The following WDFY4 variants were observed in gnomAD, a reference collection of about 807,000 sequenced individuals.
The protein encoded by WDFY4 is WDFY family member 4.
WDFY4 carries 169 observed loss-of-function variants against 351.9 expected under a neutral mutation model. The observed-to-expected ratio is 0.48, with a 90% confidence interval of 0.42 to 0.55. WDFY4 has a LOEUF of 0.55. WDFY4 is among the 20% of genes least tolerant of loss of function. The pLI is 0.00. For synonymous variants in WDFY4, 1,622 were observed against 1,574.6 expected, an observed-to-expected ratio of 1.03 and a Z score of -0.71; for missense variants, 3,803 against 3,935.6, an observed-to-expected ratio of 0.97 and a Z score of 0.90.
chr10:48,710,528 A>G (rs2063742475), intron 2 of WDFY4, among the ~76,000 whole-genome samples: 1 of 152,178 alleles, frequency 6.6e-6, no homozygotes, highest in Non-Finnish European at 1.5e-5. Flanking sequence ...CTGTCTCTTT[A>G]GTTAAAAAAT....
At position 48,800,730 on chromosome 10, in the gene WDFY4, C is replaced by CTTTCT. The variant is rs1555016198; in HGVS notation, c.4411-2553_4411-2552insCTTTT. On this transcript the variant is annotated intron_variant, in intron 24 of 61. Coordinates refer to ENST00000325239, the MANE Select transcript of WDFY4 (RefSeq NM_001394531.1). ...TCTTTCTTTCTTTCTTTCATTCTTT[C>CTTTCT]TTTTTTTTTTTTTTTGTTTTGAGAT... is the stretch of plus-strand genomic sequence containing the variant. Among the ~76,000 whole-genome samples, 43 of 92,788 alleles carry CTTTCT rather than the reference C, an allele frequency of 4.6e-4. 1 individual carries two copies. Among genetic ancestry groups the CTTTCT allele is most frequent in the Middle Eastern group, 0.011 (2 of 190 alleles). The allele number at this position is 92,788 out of a possible 152,430, so 60.9% of individuals were successfully genotyped here.
At chr10:48,891,850 T>C (rs1384750822) in intron 44 of WDFY4, among the ~76,000 whole-genome samples, 1 of 152,240 alleles carries the variant, frequency 6.6e-6, no homozygotes, top group East Asian at 1.9e-4. Context: ...AGTTGTCCTA[T>C]CACTTCCAAC....
intron 39 of WDFY4, among the ~76,000 whole-genome samples, chr10:48,847,297 TAAC>T (rs1220685297): frequency 4.6e-5 from 7 of 152,168 alleles, no homozygotes; most frequent in African/African-American, 1.7e-4. Context: ...GGCTTCACTT[TAAC>T]TTTATCACCT....
chr10:48,702,202 G>T (rs1487797960), intron 1 of WDFY4, among the ~76,000 whole-genome samples: 1 of 152,060 alleles, frequency 6.6e-6, no homozygotes, highest in East Asian at 1.9e-4. Context: ...ACACCATGAG[G>T]CAGCAAATAC....
chr10:48,974,527 A>AAAAAAAAAAAAAAC, intron 57 of WDFY4, among the ~76,000 whole-genome samples: 6 of 23,148 alleles, frequency 2.6e-4, no homozygotes, highest in African/African-American at 4.4e-4. Context: ...AAAAAAAAAA[A>AAAAAAAAAAAAAAC]AACAACTCAT....
chr10:48,915,982 T>TA (rs1488480520), intron 47 of WDFY4, among the ~76,000 whole-genome samples: 1 of 152,178 alleles, frequency 6.6e-6, no homozygotes, highest in Non-Finnish European at 1.5e-5. Context: ...TAAAACAGCT[T>TA]AAAAAACAAA....
chr10:48,696,812 G>A (rs2063343663), intron 1 of WDFY4, among the ~76,000 whole-genome samples: 1 of 152,256 alleles, frequency 6.6e-6, no homozygotes, highest in African/African-American at 2.4e-5. Flanking sequence ...CACTCTGTGG[G>A]CATCTAGCAT....
chr10:48,760,436 C>T lies in WDFY4; in HGVS notation c.2549C>T (p.Pro850Leu), dbSNP rs1191869301. The change falls in exon 13 of 62, where the codon CCA (proline) becomes CTA (leucine). Residue 850 changes from proline to leucine, a missense_variant. Physicochemically the swap from Pro to Leu is moderately conservative, Grantham distance 98 (BLOSUM62 -3). Transcript: ENST00000325239. Reference protein sequence around the residue: ...LLPRLYHEDHPQLSEEIQCSL... With the variant: ...LLPRLYHEDHLQLSEEIQCSL... Reference sequence around the variant, plus strand: ...CCTCGGTTGTACCATGAAGATCACCCACAGGTACCTGGTGTTGAATATGTG... The same window carrying T: ...CCTCGGTTGTACCATGAAGATCACCTACAGGTACCTGGTGTTGAATATGTG... 2 of 1,551,632 alleles carry T rather than the reference C, an allele frequency of 1.3e-6. No individual in the cohort carries two copies. Among genetic ancestry groups the T allele is most frequent in the East Asian group, 2.4e-5 (1 of 40,920 alleles).
chr10:48,805,381 T>G lies in WDFY4; in HGVS notation c.4606T>G (p.Cys1536Gly). The G allele has an allele frequency of 6.5e-7, 1 of 1,549,584 alleles. No individual in the cohort carries two copies. The highest frequency in any genetic ancestry group is 8.7e-7 in the Non-Finnish European group (1 of 1,147,012). The part of the protein sequence containing the change: ...KISTIIGILA[C>G]QLRGHFSTQD... ...CTCCACCATCATTGGCATCCTGGCCTGTCAGCTGAGGGGCCACTTCAGCAC... is the reference window on the plus strand; with the variant it reads ...CTCCACCATCATTGGCATCCTGGCCGGTCAGCTGAGGGGCCACTTCAGCAC... The change falls in exon 26 of 62, where the codon TGT (cysteine) becomes GGT (glycine). Residue 1536 changes from cysteine (C) to glycine (G), a missense_variant. Coordinates refer to ENST00000325239, the MANE Select transcript of WDFY4 (RefSeq NM_001394531.1).
At chr10:48,728,452 G>A (rs1005605275) in intron 7 of WDFY4, among the ~76,000 whole-genome samples, 2 of 152,190 alleles carry the variant, frequency 1.3e-5, no homozygotes, top group Non-Finnish European at 2.9e-5. Flanking sequence ...TATAGGGCAA[G>A]GCCACATACT....
At chr10:48,977,807 T>G (rs1189242709) in intron 59 of WDFY4, among the ~76,000 whole-genome samples, 1 of 152,234 alleles carries the variant, frequency 6.6e-6, no homozygotes, top group Non-Finnish European at 1.5e-5. Flanking sequence ...AGGAGGCTGG[T>G]CCTTGCCCTT....
intron 12 of WDFY4, among the ~76,000 whole-genome samples, chr10:48,754,791 C>G (rs1589527910): frequency 6.6e-6 from 1 of 151,852 alleles, no homozygotes; most frequent in East Asian, 1.9e-4. Context: ...TAAATTACGC[C>G]CAAGCACAAG....
intron 1 of WDFY4, among the ~76,000 whole-genome samples, chr10:48,693,383 G>A (rs1340612855): frequency 6.6e-6 from 1 of 152,206 alleles, no homozygotes; most frequent in Admixed American, 6.5e-5. Context: ...CTCATACAGG[G>A]CAGGCCCAGA....
At chr10:48,797,475 G>A (rs1421533062) in intron 24 of WDFY4, among the ~76,000 whole-genome samples, 1 of 152,130 alleles carries the variant, frequency 6.6e-6, no homozygotes, top group Non-Finnish European at 1.5e-5. Context: ...GTCAAACCTG[G>A]ATGCATTCTC....
Position 48,730,027 on chromosome 10 carries a change from C to T in WDFY4, c.1129+438C>T, listed in dbSNP as rs144453892. On this transcript the variant is annotated intron_variant, in intron 8 of 61. Coordinates refer to ENST00000325239, the MANE Select transcript of WDFY4 (RefSeq NM_001394531.1). ...CCAGTGTGAACAGGCCAGTTGTCTG[C>T]TCCCTAAAATTCCTCTGTAGAGACT... is the stretch of plus-strand genomic sequence containing the variant. Among the ~76,000 whole-genome samples the T allele has an allele frequency of 2.2e-3, 340 of 152,338 alleles. 1 individual carries two copies. Among genetic ancestry groups the T allele is most frequent in the African/African-American group, 7.7e-3 (321 of 41,572 alleles).
chr10:48,912,606 C>T (rs777859013), intron 47 of WDFY4, among the ~76,000 whole-genome samples: 7 of 152,250 alleles, frequency 4.6e-5, no homozygotes, highest in Non-Finnish European at 7.3e-5. Flanking sequence ...CAAAGGGACA[C>T]GGCCCCTGCA....
intron 47 of WDFY4, among the ~76,000 whole-genome samples, chr10:48,917,712 G>A (rs1283475925): frequency 1.3e-5 from 2 of 152,204 alleles, no homozygotes; most frequent in Non-Finnish European, 2.9e-5. Context: ...CACTAACTAA[G>A]CTGCTGTAAA....
intron 33 of WDFY4, 103 bp downstream of exon 33, chr10:48,820,540 C>CTA: frequency 7.9e-7 from 1 of 1,258,702 alleles, no homozygotes; most frequent in Non-Finnish European, 1.1e-6. Context: ...GCCTGGGGGC[C>CTA]ACAGCGAGTG....
rs540485659 is a variant in WDFY4, at chr10:48,897,474, T to C, written c.7337T>C (p.Phe2446Ser). 2.3e-5 allele frequency: 36 copies of C among 1,551,780 alleles called. No individual in the cohort carries two copies. The East Asian group carries it at 8.3e-4, about 36-fold the overall frequency. Residue 2446 changes from phenylalanine (F) to serine (S), a missense_variant, in exon 45 of 62, where the codon TTC becomes TCC. This residue lies in a region of WDFY4 where 3,054 missense variants were observed against 3,148.6 expected (regional missense o/e 0.97). Transcript: ENST00000325239. Reference sequence around the variant, plus strand: ...TTCAGCATCAGCGATCCGTTCATTTTCAACCTGTGCAGCAAAGACAGGTCC... The same window carrying C: ...TTCAGCATCAGCGATCCGTTCATTTCCAACCTGTGCAGCAAAGACAGGTCC... ...CLSNISDPFI[F>S]NLCSKDRSTD...
Sources: allele counts gnomAD v4.1 joint callset (sites outside exome capture counted in the v4.1 genomes callset), GRCh38; gene constraint gnomAD v4.1.1; regional missense constraint gnomAD v4.1.1; transcripts MANE v1.5; gene names NCBI Gene and HGNC (gene_info 2026-07-23, HGNC 2026-07-21).